NR5A1: variants seen among roughly 807,000 people sequenced by gnomAD.
The protein encoded by NR5A1 is nuclear receptor subfamily 5 group A member 1.
NR5A1 carries 6 observed loss-of-function variants against 42.7 expected under a neutral mutation model. The observed-to-expected ratio is 0.14, with a 90% CI of 0.08 to 0.28. The LOEUF (loss-of-function observed/expected upper bound fraction) is 0.28, where lower values mean the gene tolerates loss of function less well. Ranked by LOEUF, NR5A1 falls within the 10% of genes least tolerant of loss-of-function variation. The pLI is 1.00. For synonymous variants in NR5A1, 274 were observed against 277.5 expected (o/e 0.99, Z 0.12); for missense variants, 442 against 626.4 (o/e 0.71, Z 3.14).
rs1832462684 is a variant in NR5A1 at position 124,500,947 on chromosome 9, C to A, written c.245-232G>T. On this transcript the variant is annotated intron_variant, in intron 3 of 6. Coordinates refer to ENST00000373588, the MANE Select transcript of NR5A1 (RefSeq NM_004959.5). This position sits in a 1 kb window ranked among gnomAD's most constrained non-coding sequence, Gnocchi z 6.9. ...CTCTCCTTCCACTCCACCGAACTCACCTCCACTCCTCTGTTTGACACATCT... is the reference window on the plus strand; with the variant it reads ...CTCTCCTTCCACTCCACCGAACTCAACTCCACTCCTCTGTTTGACACATCT... The A allele has an allele frequency of 5.5e-6, 4 of 727,580 alleles. No homozygotes were observed. Among genetic ancestry groups the A allele is most frequent in the Non-Finnish European group, 1.0e-5 (4 of 395,222 alleles). 45.1% of individuals were successfully genotyped at this position (727,580 alleles called of 1,614,324 possible). A position where few individuals can be genotyped will look rare whatever the true frequency, so the allele number is the denominator to read the frequency against.
chr9:124,493,160 G>A lies in NR5A1; in HGVS notation c.871-11C>T. 2 of 1,609,110 alleles carry A rather than the reference G, an allele frequency of 1.2e-6. No individual in the cohort carries two copies. Among genetic ancestry groups the A allele is most frequent in the Non-Finnish European group, 1.7e-6 (2 of 1,177,594 alleles). ...CATCTGGTCGGCCACCTGGAAGGAAGAGGCACGCGGGGGGCCGGGCTCCAG... is the reference window on the plus strand; with the variant it reads ...CATCTGGTCGGCCACCTGGAAGGAAAAGGCACGCGGGGGGCCGGGCTCCAG... On this transcript the variant is annotated splice_polypyrimidine_tract_variant and intron_variant, in intron 4 of 6. Transcript: ENST00000373588.
chr9:124,491,020 C>CCCCCA, intron 6 of NR5A1, 61 bp downstream of exon 6: 1 of 519,494 alleles, frequency 1.9e-6, no homozygotes, highest in Non-Finnish European at 3.4e-6. Flanking sequence ...CAGCCTCACC[C>CCCCCA]ACCCTCCCAC....
At chr9:124,485,381 C>T (rs1027115326) in intron 6 of NR5A1, among the ~76,000 whole-genome samples, 38 of 152,146 alleles carry the variant, frequency 2.5e-4, no homozygotes, top group Admixed American at 6.5e-5. Flanking sequence ...CCTTAACACC[C>T]GCTGCACCAG....
intron 4 of NR5A1, among the ~76,000 whole-genome samples, chr9:124,495,014 G>A (rs1429601259): frequency 1.3e-5 from 2 of 152,194 alleles, no homozygotes; most frequent in Non-Finnish European, 2.9e-5. Context: ...CAGACAGAAG[G>A]GGAGAAAAGG....
chr9:124,496,470 G>T lies in NR5A1; in HGVS notation c.871-3321C>A, dbSNP rs546897508. 6.6e-6 allele frequency among the ~76,000 whole-genome samples: 1 copy of T among 151,944 alleles called. No homozygotes were observed. Among genetic ancestry groups the T allele is most frequent in the Non-Finnish European group, 1.5e-5 (1 of 68,002 alleles). ...AGCCATCCACCCCTCCCACCGGACC[G>T]CCACAAATCTTCCTGGAGCCTTGAC... On this transcript the variant is annotated intron_variant, in intron 4 of 6. Coordinates refer to ENST00000373588, the MANE Select transcript of NR5A1 (RefSeq NM_004959.5). This position sits in a 1 kb window ranked among gnomAD's most constrained non-coding sequence, Gnocchi z 5.0.
Position 124,503,039 on chromosome 9 carries a change from G to T in NR5A1, c.244+40C>A. 6.5e-7 allele frequency: 1 copy of T among 1,541,012 alleles called. No individual in the cohort carries two copies. On this transcript the variant is annotated intron_variant, in intron 3 of 6. Coordinates refer to ENST00000373588, the MANE Select transcript of NR5A1 (RefSeq NM_004959.5). This position sits in a 1 kb window ranked among gnomAD's most constrained non-coding sequence, Gnocchi z 9.6. ...CCACCCCCACCCCCTACCCCCTCAG[G>T]CTGTGGGGGGTCAGGGGTCGAGGCC...
rs1301292044 is a variant in NR5A1, at chr9:124,496,205, CACA to C, written c.871-3059_871-3057del. 2.0e-5 allele frequency among the ~76,000 whole-genome samples: 3 copies of C among 151,972 alleles called. No individual in the cohort carries two copies. Among genetic ancestry groups the C allele is most frequent in the East Asian group, 1.9e-4 (1 of 5,202 alleles). ...ATGCGCACACACACACACACACACA[CACA>C]ACCTCTTTTTATTTAAAAGAAAACC... is the stretch of plus-strand genomic sequence containing the variant. On this transcript the variant is annotated intron_variant, in intron 4 of 6. Coordinates refer to ENST00000373588, the MANE Select transcript of NR5A1 (RefSeq NM_004959.5). The surrounding 1 kb of genome is among the most constrained non-coding windows in gnomAD (Gnocchi z 5.0).
intron 6 of NR5A1, among the ~76,000 whole-genome samples, chr9:124,484,450 T>C (rs1157360555): frequency 6.6e-6 from 1 of 152,164 alleles, no homozygotes; most frequent in Non-Finnish European, 1.5e-5. Flanking sequence ...GCCATGTACA[T>C]AAACTAGAAA....
In NR5A1 at chr9:124,500,942, A is replaced by C; in HGVS notation, c.245-227T>G. The C allele has an allele frequency of 2.8e-6, 2 of 726,716 alleles. No individual in the cohort carries two copies. Among genetic ancestry groups the C allele is most frequent in the Non-Finnish European group, 5.1e-6 (2 of 396,030 alleles). 45.0% of individuals were successfully genotyped at this position (726,716 alleles called of 1,614,324 possible). A position where few individuals can be genotyped will look rare whatever the true frequency, so the allele number is the denominator to read the frequency against. On this transcript the variant is annotated intron_variant, in intron 3 of 6. Coordinates refer to ENST00000373588, the MANE Select transcript of NR5A1 (RefSeq NM_004959.5). This position sits in a 1 kb window ranked among gnomAD's most constrained non-coding sequence, Gnocchi z 6.9. ...GACCCCTCTCCTTCCACTCCACCGA[A>C]CTCACCTCCACTCCTCTGTTTGACA...
intron 4 of NR5A1, among the ~76,000 whole-genome samples, chr9:124,497,493 G>A (rs1832405428): frequency 6.6e-6 from 1 of 152,198 alleles, no homozygotes; most frequent in Non-Finnish European, 1.5e-5. Context: ...GAGGGCATTT[G>A]GAGCTCAGCA....
intron 4 of NR5A1, 90 bp downstream of exon 4, chr9:124,500,000 G>A (rs944145948): frequency 6.3e-7 from 1 of 1,593,310 alleles, no homozygotes; most frequent in Non-Finnish European, 8.6e-7. Context: ...CAGTGGGAAG[G>A]ATGGCCCTAT....
intron 5 of NR5A1, among the ~76,000 whole-genome samples, chr9:124,492,107 C>T (rs548963838): frequency 7.9e-5 from 12 of 152,230 alleles, no homozygotes; most frequent in African/African-American, 2.9e-4. Context: ...CCTGGGAGGG[C>T]TGGAGCTGGG....
At chr9:124,488,176 T>G (rs979595682) in intron 6 of NR5A1, among the ~76,000 whole-genome samples, 1 of 151,588 alleles carries the variant, frequency 6.6e-6, no homozygotes, top group Non-Finnish European at 1.5e-5. Flanking sequence ...CTATTCATAC[T>G]GCTAGGCCCA....
Position 124,488,258 on chromosome 9 carries a change from C to T in NR5A1, c.1138+2823G>A, listed in dbSNP as rs538693906. ...TGCTGGTTTCTCCCCTCTGACCCAACCCTGATCACACTGAACTGATGGGGT... is the reference window on the plus strand; with the variant it reads ...TGCTGGTTTCTCCCCTCTGACCCAATCCTGATCACACTGAACTGATGGGGT... On this transcript the variant is annotated intron_variant, in intron 6 of 6. Transcript: ENST00000373588. Among the ~76,000 whole-genome samples the T allele has an allele frequency of 4.7e-4, 71 of 152,262 alleles. 1 individual carries two copies. The highest frequency in any genetic ancestry group is 6.8e-3 in the Middle Eastern group (2 of 294).
chr9:124,484,515 C>A (rs1296921740), intron 6 of NR5A1, among the ~76,000 whole-genome samples: 2 of 152,148 alleles, frequency 1.3e-5, no homozygotes, highest in Non-Finnish European at 2.9e-5. Flanking sequence ...GTTTGGGAGG[C>A]CAAGGTAGGT....
At chr9:124,499,907 G>A (rs1028641284) in intron 4 of NR5A1, among the ~76,000 whole-genome samples, 183 bp downstream of exon 4, 4 of 152,146 alleles carry the variant, frequency 2.6e-5, no homozygotes, top group South Asian at 4.1e-4. Flanking sequence ...GGGAGGGAGC[G>A]GGGACCCAGG....
At chr9:124,494,920 C>T (rs762891265) in intron 4 of NR5A1, among the ~76,000 whole-genome samples, 1 of 152,228 alleles carries the variant, frequency 6.6e-6, no homozygotes, top group Non-Finnish European at 1.5e-5. Flanking sequence ...GCCTAATGAA[C>T]AGCTCTGTCT....
rs887940803 is a variant in NR5A1, at chr9:124,496,067, C to T, written c.871-2918G>A. Among the ~76,000 whole-genome samples, 14 of 152,242 alleles carry T rather than the reference C, an allele frequency of 9.2e-5. No individual in the cohort carries two copies. The highest frequency in any genetic ancestry group is 2.9e-4 in the African/African-American group (12 of 41,544). On this transcript the variant is annotated intron_variant, in intron 4 of 6. Transcript: ENST00000373588. This position sits in a 1 kb window ranked among gnomAD's most constrained non-coding sequence, Gnocchi z 5.0. The stretch of plus-strand genomic sequence containing the variant: ...GGTTCTTACGTGGATGCTGCCCGGC[C>T]GGGATCCCACCTGCCCCTTGGCCAA...
Position 124,494,124 on chromosome 9 carries a change from C to A in NR5A1, c.871-975G>T, listed in dbSNP as rs1234175718. Among the ~76,000 whole-genome samples, 3 of 152,236 alleles carry A rather than the reference C, an allele frequency of 2.0e-5. No individual in the cohort carries two copies. The East Asian group carries it at 5.8e-4, about 29-fold the overall frequency. ...GCAGACACAGCCCCATCCCTCTCAG[C>A]CCGTGCCACTCACCAGCTGGCCACC... On this transcript the variant is annotated intron_variant, in intron 4 of 6. Coordinates refer to ENST00000373588, the MANE Select transcript of NR5A1 (RefSeq NM_004959.5).
Sources: allele counts gnomAD v4.1 joint callset (sites outside exome capture counted in the v4.1 genomes callset), GRCh38; gene constraint gnomAD v4.1.1; non-coding constraint Gnocchi (gnomAD v3.1); transcripts MANE v1.5; gene names NCBI Gene and HGNC (gene_info 2026-07-23, HGNC 2026-07-21).